CELF2: variants seen among roughly 807,000 people sequenced by gnomAD.
CELF2 encodes CUG triplet repeat RNA-binding protein 2.
CELF2 carries 8 observed loss-of-function variants against 62.6 expected under a neutral mutation model. The ratio of observed to expected loss-of-function variants is 0.13; its 90% CI spans 0.07 to 0.23. The LOEUF is 0.23. CELF2 is among the 10% of genes least tolerant of loss of function. CELF2 has a pLI of 1.00. For synonymous variants in CELF2, 258 were observed against 250.0 expected (o/e 1.03, Z -0.30); for missense variants, 333 against 671.0 (o/e 0.50, Z 5.56).
chr10:10,909,564 C>T (rs975407943), intron 1 of CELF2, among the ~76,000 whole-genome samples: 9 of 152,184 alleles, frequency 5.9e-5, no homozygotes, highest in African/African-American at 1.7e-4. Flanking sequence ...CTTTGAAGAC[C>T]GTGGCTTTTG....
In CELF2 at chr10:11,322,438, T is replaced by C. The variant is rs141367435; in HGVS notation, c.1294+1052T>C. On this transcript the variant is annotated intron_variant, in intron 11 of 12. Transcript: ENST00000633077. ...AGGATCACTGGTCATTCTTCCTTAC[T>C]TGAAGCTCCTTTAGAGCAAAATCTG... Among the ~76,000 whole-genome samples the C allele has an allele frequency of 3.3e-3, 499 of 152,372 alleles. 2 individuals are homozygous for C. The highest frequency in any genetic ancestry group is 0.011 in the African/African-American group (477 of 41,584).
intron 8 of CELF2, among the ~76,000 whole-genome samples, chr10:11,282,982 G>A (rs1184409201): frequency 6.6e-6 from 1 of 152,190 alleles, no homozygotes; most frequent in Non-Finnish European, 1.5e-5. Flanking sequence ...TGCCCAGGCT[G>A]GACTTGAACT....
At chr10:10,739,286 AATG>A in the CELF2 span, among the ~76,000 whole-genome samples, 1 of 152,186 alleles carries the variant, frequency 6.6e-6, no homozygotes, top group African/African-American at 2.4e-5. Context: ...AATGTTTGAC[AATG>A]ATTATTTACA....
At chr10:11,189,149 G>A (rs535393720) in intron 2 of CELF2, among the ~76,000 whole-genome samples, 6 of 152,122 alleles carry the variant, frequency 3.9e-5, no homozygotes, top group African/African-American at 1.4e-4. Context: ...TTTTCGGTCT[G>A]GCTGGTAAGG....
the CELF2 span, among the ~76,000 whole-genome samples, chr10:10,791,720 A>G: frequency 2.6e-5 from 4 of 152,176 alleles, no homozygotes; most frequent in African/African-American, 9.6e-5. Flanking sequence ...ACGGCTCCCC[A>G]GGGTATCGAA....
chr10:10,835,234 C>T (rs1420971205), intron 1 of CELF2, among the ~76,000 whole-genome samples: 2 of 152,062 alleles, frequency 1.3e-5, no homozygotes. Context: ...CTCACTGCAG[C>T]CTCCGTGCTC....
At chr10:10,923,703 A>T (rs569382552) in intron 2 of CELF2, among the ~76,000 whole-genome samples, 1 of 152,378 alleles carries the variant, frequency 6.6e-6, no homozygotes, top group East Asian at 1.9e-4. Flanking sequence ...CATTGAAATT[A>T]TATTATAAAT....
At chr10:10,680,188 T>C in the CELF2 span, among the ~76,000 whole-genome samples, 2 of 152,008 alleles carry the variant, frequency 1.3e-5, no homozygotes, top group African/African-American at 2.4e-5. Context: ...TGCGTATGTG[T>C]ATAAACAAAT....
chr10:10,638,944 C>G, the CELF2 span, among the ~76,000 whole-genome samples: 2 of 152,168 alleles, frequency 1.3e-5, no homozygotes, highest in Non-Finnish European at 2.9e-5. Flanking sequence ...AGTAGATCCC[C>G]AATCAGAGGA....
At chr10:10,881,028 C>T (rs1327222805) in intron 1 of CELF2, among the ~76,000 whole-genome samples, 2 of 152,092 alleles carry the variant, frequency 1.3e-5, no homozygotes, top group African/African-American at 2.4e-5. Flanking sequence ...TTCCAGACCC[C>T]GGTGATTGCT....
the CELF2 span, among the ~76,000 whole-genome samples, chr10:10,657,793 G>A: frequency 1.3e-5 from 2 of 151,986 alleles, no homozygotes; most frequent in African/African-American, 4.8e-5. Flanking sequence ...AGTTCAGTTG[G>A]GGATACAAGA....
the CELF2 span, among the ~76,000 whole-genome samples, chr10:10,670,156 C>G: frequency 6.6e-6 from 1 of 152,078 alleles, no homozygotes; most frequent in African/African-American, 2.4e-5. Context: ...GCCACTTTGG[C>G]CTCCCAAAGT....
intron 1 of CELF2, among the ~76,000 whole-genome samples, chr10:10,862,179 T>G (rs2060080531): frequency 6.6e-6 from 1 of 152,222 alleles, no homozygotes; most frequent in African/African-American, 2.4e-5. Context: ...GTGTCTTGGT[T>G]ACTGGCTGTG....
At chr10:10,688,428 C>T in the CELF2 span, among the ~76,000 whole-genome samples, 8 of 152,166 alleles carry the variant, frequency 5.3e-5, no homozygotes, top group Non-Finnish European at 7.3e-5. Context: ...TCCAGTGCTG[C>T]CCAGACCCGA....
chr10:11,028,544 C>G (rs1333294374), intron 1 of CELF2, among the ~76,000 whole-genome samples: 3 of 142,684 alleles, frequency 2.1e-5, no homozygotes, highest in Non-Finnish European at 4.6e-5. Flanking sequence ...CTCAGCCTCC[C>G]GAGTAGCTGG....
At chr10:10,635,510 TA>T in the CELF2 span, among the ~76,000 whole-genome samples, 1 of 152,220 alleles carries the variant, frequency 6.6e-6, no homozygotes, top group Admixed American at 6.5e-5. Context: ...AACTCTAGAT[TA>T]ATTCTATGCC....
At chr10:10,693,550 CT>C in the CELF2 span, among the ~76,000 whole-genome samples, 7 of 151,418 alleles carry the variant, frequency 4.6e-5, no homozygotes, top group East Asian at 9.7e-4. Context: ...AGGATTCCCT[CT>C]TTTTCTATTG....
the CELF2 span, among the ~76,000 whole-genome samples, chr10:10,693,656 T>G: frequency 6.6e-6 from 1 of 151,654 alleles, no homozygotes; most frequent in Non-Finnish European, 1.5e-5. Context: ...TCTTTTTGGT[T>G]GGTAAGCTAT....
intron 1 of CELF2, among the ~76,000 whole-genome samples, chr10:10,834,013 G>A (rs1042776714): frequency 2.0e-5 from 3 of 152,194 alleles, no homozygotes; most frequent in African/African-American, 7.2e-5. Context: ...ACTTGTACAT[G>A]TATGTTCATT....
Sources: allele counts gnomAD v4.1 joint callset (sites outside exome capture counted in the v4.1 genomes callset), GRCh38; gene constraint gnomAD v4.1.1; transcripts MANE v1.5; gene names NCBI Gene and HGNC (gene_info 2026-07-23, HGNC 2026-07-21).